The following FRMD7 variants were observed in gnomAD, a reference collection of about 807,000 sequenced individuals.
FRMD7 encodes FERM domain-containing protein 7.
A neutral mutation model predicts 44.1 loss-of-function variants in FRMD7; 14 were observed. The ratio of observed to expected loss-of-function variants is 0.32; its 90% CI spans 0.21 to 0.50. FRMD7 has a LOEUF of 0.50. FRMD7 is among the 20% of genes least tolerant of loss of function. FRMD7 has a pLI of 0.99. For synonymous variants in FRMD7, 212 were observed against 187.4 expected (o/e 1.13, Z -1.07); for missense variants, 501 against 522.3 (o/e 0.96, Z 0.40).
intron 5 of FRMD7, among the ~76,000 whole-genome samples, 160 bp from the exon 6 acceptor site, chrX:132,086,194 G>T (rs1472872109): frequency 9.1e-6 from 1 of 109,337 alleles, no homozygotes; most frequent in Non-Finnish European, 1.9e-5. Flanking sequence ...GTTTCTATAG[G>T]GGTGTGTGTG....
chrX:132,092,434 G>T (rs967336344), intron 5 of FRMD7, among the ~76,000 whole-genome samples: 1 of 111,569 alleles, frequency 9.0e-6, no homozygotes, highest in Admixed American at 9.5e-5. Flanking sequence ...TGGAAAATTA[G>T]ACAAATAAAT....
intron 3 of FRMD7, among the ~76,000 whole-genome samples, chrX:132,099,154 A>T (rs994184182): frequency 8.9e-6 from 1 of 112,122 alleles, no homozygotes; most frequent in Non-Finnish European, 1.9e-5. Context: ...ATGGCATTGC[A>T]GATTGACATC....
intron 9 of FRMD7, among the ~76,000 whole-genome samples, chrX:132,081,173 A>T (rs1927797160): frequency 9.0e-6 from 1 of 111,586 alleles, no homozygotes; most frequent in African/African-American, 3.3e-5. Context: ...TCTCTACCAA[A>T]AATACAAAAA....
At chrX:132,082,693 G>A (rs1371165950) in intron 8 of FRMD7, among the ~76,000 whole-genome samples, 167 bp from the exon 9 acceptor site, 1 of 111,933 alleles carries the variant, frequency 8.9e-6, no homozygotes, top group Non-Finnish European at 1.9e-5. Context: ...TGGCAACCTT[G>A]CGAGGAATAG....
intron 1 of FRMD7, among the ~76,000 whole-genome samples, chrX:132,105,900 A>G (rs1928634036): frequency 9.2e-6 from 1 of 109,064 alleles, no homozygotes; most frequent in African/African-American, 3.4e-5. Context: ...CCAGAACTAT[A>G]AAAACCCTGG....
chrX:132,096,506 A>T (rs1384546597), intron 4 of FRMD7, among the ~76,000 whole-genome samples: 1 of 108,468 alleles, frequency 9.2e-6, no homozygotes, highest in Non-Finnish European at 1.9e-5. Flanking sequence ...ATTTGAGCTC[A>T]GGAGCTCAAG....
At chrX:132,107,546 G>A (rs1220877888) in intron 1 of FRMD7, among the ~76,000 whole-genome samples, 2 of 107,660 alleles carry the variant, frequency 1.9e-5, no homozygotes, top group African/African-American at 6.9e-5. Context: ...TTGGACTGTG[G>A]TAAAGGCTCT....
intron 4 of FRMD7, among the ~76,000 whole-genome samples, chrX:132,096,535 G>A (rs1928339348): frequency 9.6e-6 from 1 of 104,522 alleles, no homozygotes; most frequent in African/African-American, 3.5e-5. Flanking sequence ...GGGCAACATA[G>A]CAAAGCCCCA....
intron 5 of FRMD7, among the ~76,000 whole-genome samples, chrX:132,091,443 T>G (rs1381818851): frequency 9.0e-6 from 1 of 111,552 alleles, no homozygotes; most frequent in Non-Finnish European, 1.9e-5. Flanking sequence ...TTCACATGAT[T>G]TTGTTGCATA....
Position 132,077,943 on chromosome X carries a change from C to T in FRMD7, c.2074G>A (p.Asp692Asn), listed in dbSNP as rs1459755601. 6.6e-6 allele frequency: 8 copies of T among 1,208,750 alleles called. No individual in the cohort carries two copies. Among genetic ancestry groups the T allele is most frequent in the Non-Finnish European group, 7.8e-6 (7 of 894,412 alleles). ...GSLQLDEEDE[D>N]AYFNTPTAED... is the part of the protein sequence containing the mutation. ...GCAGTTGGTGTGTTGAAATAAGCAT[C>T]TTCATCTTCTTCATCTAACTGTAGA... The change falls in exon 12 of 12, where the codon GAT becomes AAT. Residue 692 changes from aspartate (D) to asparagine (N), a missense_variant. Asp to Asn is a conservative substitution (Grantham distance 23). Around this residue, in one of 3 missense-constraint regions of FRMD7, gnomAD observed 453 missense variants for 452.7 expected, o/e 1.00. Transcript: ENST00000298542.
chrX:132,104,067 A>G (rs955298259), intron 1 of FRMD7, among the ~76,000 whole-genome samples: 3 of 111,878 alleles, frequency 2.7e-5, no homozygotes, highest in African/African-American at 9.7e-5. Flanking sequence ...TAATAGTGAT[A>G]TTATCTCATA....
chrX:132,099,075 A>G (rs1928423887), intron 3 of FRMD7, among the ~76,000 whole-genome samples: 1 of 112,031 alleles, frequency 8.9e-6, no homozygotes, highest in African/African-American at 3.2e-5. Flanking sequence ...AGGCACTTAA[A>G]TATGAACTAA....
At chrX:132,118,834 G>T (rs1928967272) in intron 1 of FRMD7, among the ~76,000 whole-genome samples, 1 of 110,132 alleles carries the variant, frequency 9.1e-6, no homozygotes, top group Non-Finnish European at 1.9e-5. Context: ...CCCTTTGTCT[G>T]GACCAACCTT....
intron 1 of FRMD7, among the ~76,000 whole-genome samples, chrX:132,103,004 G>A (rs1050840161): frequency 8.9e-6 from 1 of 112,074 alleles, no homozygotes; most frequent in African/African-American, 3.2e-5. Flanking sequence ...CCCTGTAAGT[G>A]TTGCCAACTG....
At chrX:132,113,575 G>A (rs183207500) in intron 1 of FRMD7, among the ~76,000 whole-genome samples, 54 of 111,606 alleles carry the variant, frequency 4.8e-4, no homozygotes, top group African/African-American at 1.7e-3. Context: ...GAGATAAACA[G>A]CTAGAACTTG....
chrX:132,093,102 C>A (rs768414531), intron 5 of FRMD7, among the ~76,000 whole-genome samples: 89 of 111,560 alleles, frequency 8.0e-4, no homozygotes, highest in Non-Finnish European at 1.3e-3. Flanking sequence ...CTCTGCCTTT[C>A]TGAGATCCTA....
chrX:132,124,223 G>A (rs1386934024), intron 1 of FRMD7, among the ~76,000 whole-genome samples: 2 of 111,714 alleles, frequency 1.8e-5, no homozygotes, highest in Non-Finnish European at 3.8e-5. Context: ...TGTTGAAGAA[G>A]CAAAACCAAA....
intron 1 of FRMD7, among the ~76,000 whole-genome samples, chrX:132,105,015 C>T (rs1928608959): frequency 8.9e-6 from 1 of 111,943 alleles, no homozygotes; most frequent in Non-Finnish European, 1.9e-5. Flanking sequence ...AATGTGCTGT[C>T]AAATTAGTTT....
intron 1 of FRMD7, among the ~76,000 whole-genome samples, chrX:132,106,265 G>C (rs1928645439): frequency 8.9e-6 from 1 of 112,090 alleles, no homozygotes; most frequent in African/African-American, 3.2e-5. Flanking sequence ...AAAAAACTCA[G>C]TATCACTGAT....
Sources: gnomAD v4.1 joint callset for allele counts (sites outside exome capture counted in the v4.1 genomes callset) on GRCh38, gnomAD v4.1.1 for gene constraint, gnomAD v4.1.1 regional missense constraint, MANE v1.5 for transcripts, NCBI Gene and HGNC (gene_info 2026-07-23, HGNC 2026-07-21) for gene names.